NUP62: variants seen among roughly 807,000 people sequenced by gnomAD.
The protein encoded by NUP62 is nucleoporin 62, also known as nuclear pore glycoprotein p62.
For missense variants in NUP62, 647 were observed against 689.4 expected (o/e 0.94, Z 0.69); for synonymous variants, 305 against 303.4 (o/e 1.01, Z -0.05).
chr19:49,914,733 T>TTTTTTTG (rs2075578753), intron 2 of NUP62, among the ~76,000 whole-genome samples: 1 of 102,906 alleles, frequency 9.7e-6, no homozygotes, highest in African/African-American at 4.6e-5. Flanking sequence ...CCAGTTTTTT[T>TTTTTTTG]TTTTTTTTTT....
Position 49,909,109 on chromosome 19 carries a change from G to A in NUP62, c.699C>T (p.Ala233=). ...ASIATAPTSS[A]TTGLSLCTPV... The stretch of plus-strand genomic sequence containing the variant: ...GGGTACAGAGGGAGAGTCCAGTGGT[G>A]GCAGATGAGGTTGGAGCAGTTGCTA... The change falls in exon 3 of 3, where the codon GCC becomes GCT. Residue 233 remains alanine, a synonymous_variant. Transcript: ENST00000352066. 1 of 1,612,400 alleles carries A rather than the reference G, an allele frequency of 6.2e-7. No homozygotes were observed. Among genetic ancestry groups the A allele is most frequent in the Non-Finnish European group, 8.5e-7 (1 of 1,180,026 alleles).
rs1275430263 is a variant in NUP62 at position 49,908,715 on chromosome 19, G to C, written c.1093C>G (p.Leu365Val). Residue 365 changes from leucine (L) to valine (V), a missense_variant, in exon 3 of 3, where the codon CTG (leucine) becomes GTG (valine). By Grantham distance (32) the Leu-to-Val change is conservative. Transcript: ENST00000352066. ...GTGATCTTTTCTCCATTCTCGATCA[G>C]CGTGCGGTCCCAGGCGTTGACCTGG... The part of the protein sequence containing the change: ...ATQVNAWDRT[L>V]IENGEKITSL... The C allele has an allele frequency of 3.1e-6, 5 of 1,612,820 alleles. No individual in the cohort carries two copies. Among genetic ancestry groups the C allele is most frequent in the Non-Finnish European group, 4.2e-6 (5 of 1,180,054 alleles).
intron 2 of NUP62, chr19:49,911,199 T>C (rs926523519): frequency 1.3e-5 from 2 of 152,242 alleles, no homozygotes; most frequent in African/African-American, 4.8e-5. Context: ...CTAAAGATGA[T>C]CAGCAGTATC....
intron 2 of NUP62, chr19:49,913,007 AAT>A (rs35565634): frequency 0.35 from 53,693 of 152,112 alleles, 10,088 homozygotes; most frequent in Middle Eastern, 0.46. Flanking sequence ...GCCAGAGTCA[AAT>A]GTCAGCTCTA....
chr19:49,920,966 C>T (rs1294591698), intron 2 of NUP62, among the ~76,000 whole-genome samples: 5 of 152,120 alleles, frequency 3.3e-5, no homozygotes, highest in Admixed American at 2.0e-4. Flanking sequence ...GTGGTGGAGA[C>T]GGTTGCTATG....
At chr19:49,928,172 T>C (rs1166289613) in intron 1 of NUP62, 1 of 152,236 alleles carries the variant, frequency 6.6e-6, no homozygotes, top group Non-Finnish European at 1.5e-5. Context: ...CGTCTGCGGC[T>C]CTTACAAGTG....
intron 2 of NUP62, among the ~76,000 whole-genome samples, chr19:49,923,996 C>T (rs563219839): frequency 2.0e-5 from 3 of 152,308 alleles, no homozygotes; most frequent in South Asian, 4.2e-4. Flanking sequence ...AGGAGGCCAC[C>T]GTGATTGGGA....
chr19:49,910,178 TGAG>T (rs1440068278), intron 2 of NUP62, among the ~76,000 whole-genome samples: 9 of 152,188 alleles, frequency 5.9e-5, no homozygotes, highest in South Asian at 2.1e-4. Flanking sequence ...CACCTCAGCC[TGAG>T]GAGATCAGAT....
intron 2 of NUP62, chr19:49,918,652 T>C (rs941907191): frequency 1.3e-5 from 2 of 151,690 alleles, no homozygotes; most frequent in Admixed American, 6.6e-5. Context: ...AGGGTGTGTG[T>C]GGCTGTGTGT....
rs2075938035 is a variant in NUP62, at chr19:49,927,726, G to C, written c.-110C>G. The C allele has an allele frequency of 6.6e-6, 1 of 152,210 alleles. No homozygotes were observed. Among genetic ancestry groups the C allele is most frequent in the Admixed American group, 6.5e-5 (1 of 15,274 alleles). 9.4% of individuals were successfully genotyped at this position (152,210 alleles called of 1,614,324 possible). On this transcript the variant is annotated 5_prime_UTR_variant, in exon 2 of 3. Coordinates refer to ENST00000352066, the MANE Select transcript of NUP62 (RefSeq NM_016553.5). The stretch of plus-strand genomic sequence containing the variant: ...TATCAGGATTCCTCCACCTTCTCTG[G>C]ACCTTGATTCAGTCTCCTAACTGCC...
intron 2 of NUP62, among the ~76,000 whole-genome samples, chr19:49,916,343 G>A (rs954249760): frequency 4.6e-5 from 7 of 151,070 alleles, no homozygotes; most frequent in Non-Finnish European, 1.5e-5. Flanking sequence ...CCAACATGGT[G>A]TATCTTTTGT....
At position 49,916,605 on chromosome 19, in the gene NUP62, C is replaced by CA. The variant is rs1048283684; in HGVS notation, c.-77-6722dup. Among the ~76,000 whole-genome samples, 679 of 150,544 alleles carry CA rather than the reference C, an allele frequency of 4.5e-3. 5 individuals are homozygous for CA. Among genetic ancestry groups the CA allele is most frequent in the African/African-American group, 0.015 (622 of 41,088 alleles). On this transcript the variant is annotated intron_variant, in intron 2 of 2. Coordinates refer to ENST00000352066, the MANE Select transcript of NUP62 (RefSeq NM_016553.5). ...TGAAACCCCGTCTGCACTAAAAATA[C>CA]AAAAAAAAATTAGCCAGGCGTGGTG...
At position 49,909,739 on chromosome 19, in the gene NUP62, C is replaced by A; in HGVS notation, c.69G>T (p.Thr23=). The change falls in exon 3 of 3, where the codon ACG becomes ACT. Residue 23 remains threonine (T), a synonymous_variant. Coordinates refer to ENST00000352066, the MANE Select transcript of NUP62 (RefSeq NM_016553.5). ...TGGFTFGTAK[T]ATTTPATGFS... ...ACCCTGTAGCAGGTGTGGTTGTTGC[C>A]GTCTTTGCAGTGCCAAACGTGAACC... 1 of 1,614,088 alleles carries A rather than the reference C, an allele frequency of 6.2e-7. No individual in the cohort carries two copies. Among genetic ancestry groups the A allele is most frequent in the South Asian group, 1.1e-5 (1 of 91,076 alleles).
At chr19:49,922,342 A>G (rs1056468000) in intron 2 of NUP62, among the ~76,000 whole-genome samples, 1 of 152,114 alleles carries the variant, frequency 6.6e-6, no homozygotes, top group African/African-American at 2.4e-5. Flanking sequence ...GAAGAGAGTA[A>G]TAAGACACCA....
intron 2 of NUP62, among the ~76,000 whole-genome samples, chr19:49,913,837 T>C (rs925493516): frequency 3.9e-5 from 6 of 152,050 alleles, no homozygotes; most frequent in South Asian, 2.1e-4. Flanking sequence ...ATACATACCA[T>C]GCTAACGGTT....
intron 2 of NUP62, among the ~76,000 whole-genome samples, chr19:49,917,968 T>C (rs1157231114): frequency 2.0e-5 from 3 of 152,090 alleles, no homozygotes; most frequent in African/African-American, 7.2e-5. Context: ...ATCGCACTAC[T>C]GCACTCCAGC....
At position 49,909,459 on chromosome 19, in the gene NUP62, C is replaced by T; in HGVS notation, c.349G>A (p.Gly117Ser). Residue 117 changes from glycine to serine, a missense_variant, in exon 3 of 3, where the codon GGC becomes AGC. By Grantham distance (56) the Gly-to-Ser change is moderately conservative (BLOSUM62 0). Coordinates refer to ENST00000352066, the MANE Select transcript of NUP62 (RefSeq NM_016553.5). Reference sequence around the variant, plus strand: ...ATGGCATTAGTGAGGTTGCTGCTGCCCAGCCCAAAGCCGCTGGGGTTTGCC... The same window carrying T: ...ATGGCATTAGTGAGGTTGCTGCTGCTCAGCCCAAAGCCGCTGGGGTTTGCC... ...AMANPSGFGL[G>S]SSNLTNAISS... is the part of the protein sequence containing the mutation. The T allele has an allele frequency of 6.2e-7, 1 of 1,614,096 alleles. No homozygotes were observed. Among genetic ancestry groups the T allele is most frequent in the Non-Finnish European group, 8.5e-7 (1 of 1,180,016 alleles).
Position 49,925,202 on chromosome 19 carries a change from G to T in NUP62, c.-78+2492C>A, listed in dbSNP as rs536242134. Among the ~76,000 whole-genome samples the T allele has an allele frequency of 1.0e-3, 155 of 152,070 alleles. 2 individuals carry two copies. The highest frequency in any genetic ancestry group is 3.6e-3 in the African/African-American group (151 of 41,474). On this transcript the variant is annotated intron_variant, in intron 2 of 2. Transcript: ENST00000352066. ...CTTGAACCCAGGAGGCAGAGGTTGC[G>T]GTGAGCCGAGATGGCACCATTGCAC...
At chr19:49,918,867 C>T (rs927240675) in intron 2 of NUP62, among the ~76,000 whole-genome samples, 5 of 143,796 alleles carry the variant, frequency 3.5e-5, no homozygotes, top group South Asian at 2.2e-4. Context: ...CAGTGGCTCA[C>T]GCCTGCAATC....
Sources: allele counts gnomAD v4.1 joint callset (sites outside exome capture counted in the v4.1 genomes callset), GRCh38; gene constraint gnomAD v4.1.1; transcripts MANE v1.5; gene names NCBI Gene and HGNC (gene_info 2026-07-23, HGNC 2026-07-21).